The following PLA2G5 variants were observed in gnomAD, a reference collection of about 807,000 sequenced individuals.
PLA2G5 encodes the protein phospholipase A2 group V.
In PLA2G5, 12 loss-of-function variants were observed where a neutral mutation model predicts 15.9. The observed-to-expected ratio is 0.76, with a 90% CI of 0.48 to 1.23. The LOEUF (loss-of-function observed/expected upper bound fraction) is 1.23, where lower values mean the gene tolerates loss of function less well. Among genes scored for constraint, PLA2G5 ranks in the 50% most tolerant of loss-of-function variants. The pLI, the probability that PLA2G5 is intolerant of heterozygous loss-of-function variation, is 0.00. For synonymous variants in PLA2G5, 71 were observed against 71.4 expected, an observed-to-expected ratio of 0.99 and a Z score of 0.03; for missense variants, 169 against 177.1, an observed-to-expected ratio of 0.95 and a Z score of 0.26.
At position 20,089,881 on chromosome 1, in the gene PLA2G5, G is replaced by A. The variant is rs543689497; in HGVS notation, c.278G>A (p.Gly93Asp). 3.1e-6 allele frequency: 5 copies of A among 1,613,096 alleles called. No homozygotes were observed. The South Asian group carries it at 3.3e-5, about 11-fold the overall frequency. Reference sequence around the variant, plus strand: ...TCCTACAAATACAGATTCGCGTGGGGCGTGGTCACCTGCGGTAAGGCTGGG... The same window carrying A: ...TCCTACAAATACAGATTCGCGTGGGACGTGGTCACCTGCGGTAAGGCTGGG... ...TQSYKYRFAW[G>D]VVTCEPGPFC... The change falls in exon 4 of 5, where the codon GGC (glycine) becomes GAC (aspartate). Residue 93 changes from glycine (G) to aspartate (D), a missense_variant. Coordinates refer to ENST00000375108, the MANE Select transcript of PLA2G5 (RefSeq NM_000929.3).
chr1:20,059,810 G>A (rs2014617573), intron 2 of PLA2G5: 1 of 152,242 alleles, frequency 6.6e-6, no homozygotes, highest in South Asian at 2.1e-4. Flanking sequence ...GCTGGTATAG[G>A]TTGTCATAGC....
chr1:20,072,265 A>G (rs920078303), intron 1 of PLA2G5, among the ~76,000 whole-genome samples: 53 of 152,138 alleles, frequency 3.5e-4, no homozygotes, highest in African/African-American at 1.1e-3. Flanking sequence ...TCGCTTGTCT[A>G]TTTCTGGCTT....
Position 20,055,360 on chromosome 1 carries a change from T to C in PLA2G5, n.277-4272T>C, listed in dbSNP as rs536294889. 3.3e-5 allele frequency among the ~76,000 whole-genome samples: 5 copies of C among 152,348 alleles called. No individual in the cohort carries two copies. In the South Asian group the frequency reaches 1.0e-3, roughly 32 times the overall value. On this transcript the variant is annotated intron_variant and non_coding_transcript_variant, in intron 1 of 6. Transcript: ENST00000460175. ...ATTTTTAGGGGCGGAAATAAATCAGTGACCTTTATTCTCTGCAAGTCCTTG... is the reference window on the plus strand; with the variant it reads ...ATTTTTAGGGGCGGAAATAAATCAGCGACCTTTATTCTCTGCAAGTCCTTG...
rs367900952 is a variant in PLA2G5, at chr1:20,090,724, C to G, written c.*32C>G. On this transcript the variant is annotated 3_prime_UTR_variant, in exon 5 of 5. Coordinates refer to ENST00000375108, the MANE Select transcript of PLA2G5 (RefSeq NM_000929.3). ...CCAGCGAGCTCCTCCCAGACCAAGA[C>G]TTTTGTTCTGTTTTTCTACAACACA... The G allele has an allele frequency of 1.9e-5, 31 of 1,611,394 alleles. No individual in the cohort carries two copies. The highest frequency in any genetic ancestry group is 2.6e-5 in the Non-Finnish European group (31 of 1,177,580).
chr1:20,079,482 T>C (rs571982300), intron 1 of PLA2G5, among the ~76,000 whole-genome samples: 10 of 152,096 alleles, frequency 6.6e-5, no homozygotes, highest in Non-Finnish European at 1.2e-4. Context: ...CTGACATTAG[T>C]TTATATGCCT....
chr1:20,049,733 C>T (rs1375678745), intron 1 of PLA2G5, among the ~76,000 whole-genome samples: 1 of 152,168 alleles, frequency 6.6e-6, no homozygotes, highest in Non-Finnish European at 1.5e-5. Context: ...ACTGTGAGTC[C>T]ATTAAACCTC....
At chr1:20,077,079 A>G (rs1039240819) in intron 1 of PLA2G5, among the ~76,000 whole-genome samples, 3 of 152,256 alleles carry the variant, frequency 2.0e-5, no homozygotes, top group African/African-American at 7.2e-5. Context: ...TGTTTATGTG[A>G]TGTTTAATTA....
intron 1 of PLA2G5, among the ~76,000 whole-genome samples, chr1:20,042,130 A>C (rs1398041356): frequency 1.3e-5 from 2 of 152,168 alleles, no homozygotes; most frequent in African/African-American, 4.8e-5. Flanking sequence ...GTCCTTTTGC[A>C]AGAGTGAGGG....
At chr1:20,061,174 C>A (rs2014707779) in intron 2 of PLA2G5, among the ~76,000 whole-genome samples, 1 of 152,200 alleles carries the variant, frequency 6.6e-6, no homozygotes, top group South Asian at 2.1e-4. Context: ...GAATCTACCT[C>A]TTCATCTTTT....
intron 1 of PLA2G5, among the ~76,000 whole-genome samples, chr1:20,056,127 G>A (rs977628559): frequency 6.6e-6 from 1 of 152,026 alleles, no homozygotes; most frequent in Non-Finnish European, 1.5e-5. Flanking sequence ...TTAGAGCTGC[G>A]AGGTTCAAAG....
At chr1:20,048,217 G>A (rs930644683) in intron 1 of PLA2G5, among the ~76,000 whole-genome samples, 10 of 152,078 alleles carry the variant, frequency 6.6e-5, no homozygotes, top group African/African-American at 2.4e-4. Context: ...GCTTTTTCAA[G>A]TTTAATAACT....
At chr1:20,050,702 G>A (rs1405145245) in intron 1 of PLA2G5, among the ~76,000 whole-genome samples, 2 of 152,022 alleles carry the variant, frequency 1.3e-5, no homozygotes, top group African/African-American at 2.4e-5. Flanking sequence ...AAATAATAAA[G>A]GTTTTTGACT....
intron 1 of PLA2G5, among the ~76,000 whole-genome samples, chr1:20,041,554 T>A (rs771895039): frequency 2.0e-5 from 3 of 152,090 alleles, no homozygotes; most frequent in African/African-American, 7.2e-5. Flanking sequence ...GCCTGAACAA[T>A]CCCTGGGGAG....
In PLA2G5 at chr1:20,081,575, G is replaced by A. The variant is rs2016028537; in HGVS notation, c.-10-3246G>A. ...GGGCAGGGGACACAGTTTAGGACCG[G>A]TCAGTTTGAATCATGTCAGTGGAAC... On this transcript the variant is annotated intron_variant, in intron 1 of 4. Transcript: ENST00000375108. Among the ~76,000 whole-genome samples, 2 of 151,716 alleles carry A rather than the reference G, an allele frequency of 1.3e-5. 1 individual carries two copies. Among genetic ancestry groups the A allele is most frequent in the African/African-American group, 4.9e-5 (2 of 41,028 alleles).
intron 3 of PLA2G5, among the ~76,000 whole-genome samples, chr1:20,088,096 G>A (rs776829113): frequency 2.0e-5 from 3 of 152,238 alleles, no homozygotes; most frequent in Non-Finnish European, 2.9e-5. Context: ...GGTGGCTCAC[G>A]CCTGTAATCC....
At chr1:20,084,090 A>G (rs1164751289) in intron 1 of PLA2G5, among the ~76,000 whole-genome samples, 1 of 151,096 alleles carries the variant, frequency 6.6e-6, no homozygotes, top group Non-Finnish European at 1.5e-5. Flanking sequence ...GAATATAGAT[A>G]TAAAGATATA....
At chr1:20,036,861 C>G (rs1217590175) in intron 1 of PLA2G5, among the ~76,000 whole-genome samples, 1 of 152,060 alleles carries the variant, frequency 6.6e-6, no homozygotes, top group Non-Finnish European at 1.5e-5. Context: ...GACAGGGTTT[C>G]TCCATGTTGG....
intron 2 of PLA2G5, among the ~76,000 whole-genome samples, chr1:20,060,608 T>A (rs1322521208): frequency 6.6e-6 from 1 of 151,770 alleles, no homozygotes; most frequent in Non-Finnish European, 1.5e-5. Context: ...TTAGGCTAGA[T>A]GTAAAGAGCA....
chr1:20,035,692 A>C (rs1046697313), intron 1 of PLA2G5, among the ~76,000 whole-genome samples: 6 of 152,206 alleles, frequency 3.9e-5, no homozygotes, highest in Non-Finnish European at 8.8e-5. Context: ...GTATCTTTTA[A>C]GTAGAGCATA....
Sources: gnomAD v4.1 joint callset for allele counts (sites outside exome capture counted in the v4.1 genomes callset) on GRCh38, gnomAD v4.1.1 for gene constraint, MANE v1.5 for transcripts, NCBI Gene and HGNC (gene_info 2026-07-23, HGNC 2026-07-21) for gene names.